Variants in CIITA observed in about 807,000 individuals in gnomAD.
The protein encoded by CIITA is MHC class II transactivator.
A neutral mutation model predicts 115.1 loss-of-function variants in CIITA; 72 were observed. The ratio of observed to expected loss-of-function variants is 0.63; its 90% confidence interval spans 0.52 to 0.76. The LOEUF is 0.76. Ranked by LOEUF, CIITA falls within the 30% of genes least tolerant of loss-of-function variation. CIITA has a pLI of 0.00. For missense variants in CIITA, 1,617 were observed against 1,463.8 expected (o/e 1.10, Z -1.71); for synonymous variants, 763 against 635.6 (o/e 1.20, Z -3.02).
chr16:10,877,379 C>T lies in CIITA; in HGVS notation c.49C>T (p.Gln17Ter). The T allele has an allele frequency of 1.2e-6, 2 of 1,612,962 alleles. No individual in the cohort carries two copies. The highest frequency in any genetic ancestry group is 8.5e-7 in the Non-Finnish European group (1 of 1,179,444). Residue 17 changes from glutamine (Q) to a stop codon, truncating the protein, a stop_gained, in exon 1 of 20, where the codon CAA becomes TAA. Coordinates refer to ENST00000324288, the MANE Select transcript of CIITA (RefSeq NM_000246.4). LOFTEE classifies it high-confidence loss of function. Reference protein sequence around the residue: ...RPAGSYLSEPQGSSQCATMEL... With the variant: ...RPAGSYLSEP The stretch of plus-strand genomic sequence containing the variant: ...TGCTGGGTCCTACCTGTCAGAGCCC[C>T]AAGGTAAAAAGGCCGGGAAAGCATC...
At chr16:10,908,200 CG>C (rs1596557472) in intron 11 of CIITA, 51 bp downstream of exon 11, 1 of 1,546,102 alleles carries the variant, frequency 6.5e-7, no homozygotes, top group African/African-American at 1.4e-5. Flanking sequence ...GCATTAACTG[CG>C]GTCTTGGTGC....
intron 4 of CIITA, 22 bp downstream of exon 4, chr16:10,898,754 A>C: frequency 6.2e-7 from 1 of 1,610,446 alleles, no homozygotes; most frequent in Non-Finnish European, 8.5e-7. Flanking sequence ...GTGGGTGGGG[A>C]GGTCTTGGCT....
rs759683035 is a variant in CIITA, at chr16:10,912,541, G to A, written c.2888+2282G>A. On this transcript the variant is annotated intron_variant, in intron 13 of 19. Transcript: ENST00000324288. ...CCTGGTGAGGTTAAGTGACTTGCCC[G>A]TGGTCCCCCAGCTGGTCACCCACAA... 1.5e-4 allele frequency among the ~76,000 whole-genome samples: 23 copies of A among 152,276 alleles called. 1 individual carries two copies. In the South Asian group the frequency reaches 3.3e-3, roughly 22 times the overall value.
rs553503699 is a variant in CIITA, at chr16:10,907,876, G to A, written c.2384G>A (p.Arg795Gln). Reference sequence around the variant, plus strand: ...AAGGTGCTTGCGAGGTACCTGAAGCGGCTGCAGCCGGGGACACTGCGGGCG... The same window carrying A: ...AAGGTGCTTGCGAGGTACCTGAAGCAGCTGCAGCCGGGGACACTGCGGGCG... ...KQKVLARYLKRLQPGTLRARQ... is the reference protein window; with the variant it reads ...KQKVLARYLKQLQPGTLRARQ... Residue 795 changes from arginine to glutamine, a missense_variant, in exon 11 of 20, where the codon CGG (arginine) becomes CAG (glutamine). Transcript: ENST00000324288. The surrounding 1 kb of genome is among the most constrained non-coding windows in gnomAD (Gnocchi z 5.0). 90 of 1,606,084 alleles carry A rather than the reference G, an allele frequency of 5.6e-5. 1 individual carries two copies. The highest frequency in any genetic ancestry group is 4.7e-4 in the South Asian group (42 of 90,068).
intron 13 of CIITA, among the ~76,000 whole-genome samples, chr16:10,912,818 G>A (rs1211442982): frequency 6.6e-6 from 1 of 152,244 alleles, no homozygotes; most frequent in Non-Finnish European, 1.5e-5. Flanking sequence ...AGAGCCGGGT[G>A]ATCAGCCACC....
In CIITA at chr16:10,902,672, T is replaced by G; in HGVS notation, c.643T>G (p.Ser215Ala). Reference protein sequence around the residue: ...TDQIPMPFSSSSLSCLNLPEG... With the variant: ...TDQIPMPFSSASLSCLNLPEG... ...GTCTCTTGCAGTGCCTTTCTCCAGT[T>G]CCTCGTTGAGCTGCCTGAATCTCCC... Residue 215 changes from serine to alanine, a missense_variant, in exon 8 of 20, where the codon TCC (serine) becomes GCC (alanine). Ser to Ala is a moderately conservative substitution (Grantham distance 99, BLOSUM62 1). Transcript: ENST00000324288. 6.2e-7 allele frequency: 1 copy of G among 1,614,244 alleles called. No individual in the cohort carries two copies. The highest frequency in any genetic ancestry group is 8.5e-7 in the Non-Finnish European group (1 of 1,180,052).
At position 10,933,092 on chromosome 16, in the gene CIITA, C is replaced by T. The variant is rs1187407740; in HGVS notation, c.*9237C>T. On this transcript the variant is annotated 3_prime_UTR_variant, in exon 20 of 20. Transcript: ENST00000324288. ...AACCCAGGGCAGCAGGTTCTCCAAC[C>T]TTCTGACATCATCAGAGCACAGCAG... 6.6e-6 allele frequency: 1 copy of T among 152,180 alleles called. No homozygotes were observed. Among genetic ancestry groups the T allele is most frequent in the African/African-American group, 2.4e-5 (1 of 41,426 alleles). The allele number at this position is 152,180 out of a possible 1,614,324, so 9.4% of individuals were successfully genotyped here. A position where few individuals can be genotyped will look rare whatever the true frequency, so the allele number is the denominator to read the frequency against.
intron 1 of CIITA, among the ~76,000 whole-genome samples, chr16:10,870,761 G>A (rs190086866): frequency 7.9e-5 from 12 of 152,322 alleles, no homozygotes; most frequent in Admixed American, 5.2e-4. Flanking sequence ...CTCTAGTGAG[G>A]GTTAAATGAG....
At chr16:10,893,732 C>A (rs189633639) in intron 1 of CIITA, among the ~76,000 whole-genome samples, 2 of 137,038 alleles carry the variant, frequency 1.5e-5, no homozygotes, top group East Asian at 4.8e-4. Context: ...TGGCTTGAAC[C>A]TGGGAGGCAG....
Position 10,906,786 on chromosome 16 carries a change from G to A in CIITA, c.1294G>A (p.Ala432Thr), listed in dbSNP as rs760539934. 6.2e-7 allele frequency: 1 copy of A among 1,611,796 alleles called. No individual in the cohort carries two copies. Among genetic ancestry groups the A allele is most frequent in the Non-Finnish European group, 8.5e-7 (1 of 1,180,012 alleles). ...TCAGGGCAAGAGCTATTGGGCTGGG[G>A]CAGTGAGCCGGGCCTGGGCTTGTGG... ...AGQGKSYWAG[A>T]VSRAWACGRL... Residue 432 changes from alanine (A) to threonine (T), a missense_variant, in exon 11 of 20, where the codon GCA (alanine) becomes ACA (threonine). Ala to Thr is a moderately conservative substitution (Grantham distance 58). Transcript: ENST00000324288.
chr16:10,941,165 C>G (rs978557689), downstream of CIITA: 1 of 153,428 alleles, frequency 6.5e-6, no homozygotes, highest in Non-Finnish European at 1.5e-5. This position sits in a 1 kb window ranked among gnomAD's most constrained non-coding sequence, Gnocchi z 6.4. Flanking sequence ...TTCTGACACC[C>G]CTAAATCTTT....
chr16:10,917,772 G>A (rs191527974), intron 15 of CIITA, among the ~76,000 whole-genome samples: 363 of 152,226 alleles, frequency 2.4e-3, no homozygotes, highest in Admixed American at 4.7e-3. Context: ...GAGCCACCAC[G>A]CCCAGTTCAA....
In CIITA at chr16:10,925,399, C is replaced by T. The variant is rs2040490556; in HGVS notation, c.*1544C>T. ...CACGGCTCACTGCAGCCTCAACCTC[C>T]TGGGCTAAGTGATCCTCCCACCTCA... On this transcript the variant is annotated 3_prime_UTR_variant, in exon 20 of 20. Coordinates refer to ENST00000324288, the MANE Select transcript of CIITA (RefSeq NM_000246.4). The T allele has an allele frequency of 6.6e-6, 1 of 152,356 alleles. No individual in the cohort carries two copies. The highest frequency in any genetic ancestry group is 1.5e-5 in the Non-Finnish European group (1 of 68,144). The allele number at this position is 152,356 out of a possible 1,614,324, so 9.4% of individuals were successfully genotyped here. A position where few individuals can be genotyped will look rare whatever the true frequency, so the allele number is the denominator to read the frequency against.
chr16:10,908,007 C>A lies in CIITA; in HGVS notation c.2515C>A (p.Arg839Ser), dbSNP rs1175375174. The A allele has an allele frequency of 1.3e-6, 2 of 1,598,602 alleles. No individual in the cohort carries two copies. Among genetic ancestry groups the A allele is most frequent in the Non-Finnish European group, 1.7e-6 (2 of 1,170,136 alleles). Residue 839 changes from arginine (R) to serine (S), a missense_variant, in exon 11 of 20, where the codon CGC (arginine) becomes AGC (serine). Physicochemically the swap from Arg to Ser is moderately radical, Grantham distance 110. Coordinates refer to ENST00000324288, the MANE Select transcript of CIITA (RefSeq NM_000246.4). ...CGGCCGCCTCTCTTTTCTGGGCACCCGCCTCACGCCTCCTGATGCACATGT... is the reference window on the plus strand; with the variant it reads ...CGGCCGCCTCTCTTTTCTGGGCACCAGCCTCACGCCTCCTGATGCACATGT... ...LPGRLSFLGT[R>S]LTPPDAHVLG...
At chr16:10,909,265 TG>T in intron 12 of CIITA, 78 bp downstream of exon 12, 1 of 1,505,540 alleles carries the variant, frequency 6.6e-7, no homozygotes, top group East Asian at 2.3e-5. Context: ...AAGTTTGTCA[TG>T]GGCATTTCCA....
upstream of CIITA, among the ~76,000 whole-genome samples, chr16:10,873,426 A>G (rs1021204765): frequency 1.3e-5 from 2 of 152,244 alleles, no homozygotes; most frequent in African/African-American, 4.8e-5. Flanking sequence ...ATAATGTTGC[A>G]GCAAGTTTTG....
At chr16:10,867,337 T>G (rs1331395330) in intron 1 of CIITA, among the ~76,000 whole-genome samples, 3 of 148,054 alleles carry the variant, frequency 2.0e-5, no homozygotes, top group African/African-American at 4.9e-5. Context: ...GGGGGGCATG[T>G]GTGCGTTTGC....
At chr16:10,891,907 C>G (rs191529923) in intron 1 of CIITA, among the ~76,000 whole-genome samples, 7 of 152,224 alleles carry the variant, frequency 4.6e-5, no homozygotes, top group African/African-American at 1.7e-4. Context: ...CCCGCTCAAC[C>G]GTCATGAACA....
In CIITA at chr16:10,942,182, G is replaced by A. The variant is rs904176489; in HGVS notation, n.1308G>A. The A allele has an allele frequency of 2.1e-6, 1 of 478,258 alleles. No homozygotes were observed. The highest frequency in any genetic ancestry group is 4.1e-5 in the East Asian group (1 of 24,548). The allele number at this position is 478,258 out of a possible 1,614,324, so 29.6% of individuals were successfully genotyped here. Reference sequence around the variant, plus strand: ...CGCCCCGACCCCCGAAATGCGCCGGGCGGGTCACCGCACCCCGAGATGTGC... The same window carrying A: ...CGCCCCGACCCCCGAAATGCGCCGGACGGGTCACCGCACCCCGAGATGTGC... On this transcript the variant is annotated non_coding_transcript_exon_variant, in exon 2 of 2. Coordinates refer to the CIITA transcript ENST00000573379. The surrounding 1 kb of genome is among the most constrained non-coding windows in gnomAD (Gnocchi z 5.0).
Sources: allele counts gnomAD v4.1 joint callset (sites outside exome capture counted in the v4.1 genomes callset), GRCh38; gene constraint gnomAD v4.1.1; non-coding constraint Gnocchi (gnomAD v3.1); transcripts MANE v1.5; gene names NCBI Gene and HGNC (gene_info 2026-07-23, HGNC 2026-07-21).